SNRNP200: variants seen among roughly 807,000 people sequenced by gnomAD.
SNRNP200 encodes the protein small nuclear ribonucleoprotein U5 subunit 200, also known as U5 small nuclear ribonucleoprotein 200 kDa helicase.
In SNRNP200, 66 loss-of-function variants were observed where a neutral mutation model predicts 255.2. That is an observed-to-expected ratio of 0.26 (90% CI 0.21 to 0.32). The LOEUF (loss-of-function observed/expected upper bound fraction) is 0.32. Among genes scored for constraint, SNRNP200 ranks in the 10% least tolerant of loss-of-function variants. The probability of loss-of-function intolerance (pLI) is 1.00; values close to 1 mark genes in which losing one functional copy is unlikely to be tolerated. For missense variants in SNRNP200, 1,585 were observed against 2,749.8 expected, an observed-to-expected ratio of 0.58 and a Z score of 9.47; for synonymous variants, 939 against 1,027.8, an observed-to-expected ratio of 0.91 and a Z score of 1.65.
At chr2:96,292,559 A>G (rs181555642) in intron 16 of SNRNP200, among the ~76,000 whole-genome samples, 1 of 152,280 alleles carries the variant, frequency 6.6e-6, no homozygotes, top group East Asian at 1.9e-4. Flanking sequence ...AGTGTAAGTG[A>G]CCCCAAATCT....
chr2:96,289,886 C>T lies in SNRNP200; in HGVS notation c.2853G>A (p.Gln951=), dbSNP rs757777166. Residue 951 remains glutamine, a synonymous_variant, in exon 21 of 45, where the codon CAG becomes CAA. Coordinates refer to ENST00000323853, the MANE Select transcript of SNRNP200 (RefSeq NM_014014.5). ...CTGTATGAACCAGATCTAGTCGGCG[C>T]TGGTCCAGCAGGGGATCTCCCTTGA... The part of the protein sequence containing the change: ...DDLKGDPLLD[Q]RRLDLVHTAA... The T allele has an allele frequency of 6.2e-6, 10 of 1,614,054 alleles. No homozygotes were observed. Among genetic ancestry groups the T allele is most frequent in the Non-Finnish European group, 8.5e-6 (10 of 1,180,034 alleles).
rs150108713 is a variant in SNRNP200 at position 96,281,384 on chromosome 2, G to A, written c.5024+430C>T. 29 of 244,764 alleles carry A rather than the reference G, an allele frequency of 1.2e-4. No individual in the cohort carries two copies. In the East Asian group the frequency reaches 2.9e-3, roughly 24 times the overall value. 15.2% of individuals were successfully genotyped at this position (244,764 alleles called of 1,614,324 possible). ...GGGTTTCACTATGTTAGCCACACTG[G>A]TCTTGAACTCCTGACCTCAAGTGAT... On this transcript the variant is annotated intron_variant, in intron 35 of 44. Coordinates refer to ENST00000323853, the MANE Select transcript of SNRNP200 (RefSeq NM_014014.5).
At position 96,291,296 on chromosome 2, in the gene SNRNP200, A is replaced by C. The variant is rs2063882824; in HGVS notation, c.2421+96T>G. The C allele has an allele frequency of 3.7e-6, 3 of 814,556 alleles. No individual in the cohort carries two copies. In the South Asian group the frequency reaches 4.0e-5, roughly 11 times the overall value. 50.5% of individuals were successfully genotyped at this position (814,556 alleles called of 1,614,324 possible). A position where few individuals can be genotyped will look rare whatever the true frequency, so the allele number is the denominator to read the frequency against. The stretch of plus-strand genomic sequence containing the variant: ...GACCTGGGCTAGCTGGGCCAGAAGC[A>C]ATAAAGTACCAGGAGCAAACATGGC... On this transcript the variant is annotated intron_variant, in intron 18 of 44. Coordinates refer to ENST00000323853, the MANE Select transcript of SNRNP200 (RefSeq NM_014014.5). The surrounding 1 kb of genome is among the most constrained non-coding windows in gnomAD (Gnocchi z 4.2).
At chr2:96,276,805 A>T (rs1332643496) in intron 43 of SNRNP200, 99 bp downstream of exon 43, 1 of 1,086,274 alleles carries the variant, frequency 9.2e-7, no homozygotes, top group African/African-American at 1.5e-5. Flanking sequence ...TTATCAGTCT[A>T]AAGTTTCCCT....
intron 1 of SNRNP200, among the ~76,000 whole-genome samples, chr2:96,305,088 G>T (rs2063978879): frequency 6.6e-6 from 1 of 152,182 alleles, no homozygotes; most frequent in South Asian, 2.1e-4. Context: ...AACAATTCTT[G>T]TTCCTAACAG....
At chr2:96,284,668 A>C (rs994536288) in intron 30 of SNRNP200, 83 bp from the exon 31 acceptor site, 1 of 943,910 alleles carries the variant, frequency 1.1e-6, no homozygotes, top group Non-Finnish European at 1.7e-6. Flanking sequence ...TGAGATGCCA[A>C]ACAGACCTGT....
At position 96,284,617 on chromosome 2, in the gene SNRNP200, C is replaced by T. The variant is rs10168350; in HGVS notation, c.4165-32G>A. 9.8e-3 allele frequency: 14,120 copies of T among 1,445,598 alleles called. 1,073 individuals carry two copies. In the African/African-American group the frequency reaches 0.17, roughly 17 times the overall value. 89.5% of individuals were successfully genotyped at this position (1,445,598 alleles called of 1,614,324 possible). A position where few individuals can be genotyped will look rare whatever the true frequency, so the allele number is the denominator to read the frequency against. ...GGCAGAGGAGGGAGGCAGAACAACA[C>T]TAGGCCATACCAGGCATCTTTCACT... On this transcript the variant is annotated intron_variant, in intron 30 of 44. Coordinates refer to ENST00000323853, the MANE Select transcript of SNRNP200 (RefSeq NM_014014.5).
At position 96,287,508 on chromosome 2, in the gene SNRNP200, C is replaced by T; in HGVS notation, c.3415G>A (p.Val1139Ile). Residue 1139 changes from valine (V) to isoleucine (I), a missense_variant, in exon 26 of 45, where the codon GTA becomes ATA. Transcript: ENST00000323853. The surrounding 1 kb of genome is among the most constrained non-coding windows in gnomAD (Gnocchi z 5.7). The stretch of plus-strand genomic sequence containing the variant: ...TTCTTCTTCTCAATCTTCTTCACTA[C>T]TTCCTCAGGGAGTTTCCGGAACTGG... ...LRQFRKLPEE[V>I]VKKIEKKNFP... The T allele has an allele frequency of 6.2e-7, 1 of 1,614,222 alleles. No individual in the cohort carries two copies. Among genetic ancestry groups the T allele is most frequent in the African/African-American group, 1.3e-5 (1 of 75,064 alleles).
chr2:96,303,762 C>A (rs1422645899), intron 2 of SNRNP200, among the ~76,000 whole-genome samples: 1 of 151,882 alleles, frequency 6.6e-6, no homozygotes. Context: ...CAGTGGCGAG[C>A]GCCTGTAATC....
At position 96,293,518 on chromosome 2, in the gene SNRNP200, T is replaced by C; in HGVS notation, c.1843-9A>G. 1.2e-6 allele frequency: 2 copies of C among 1,611,634 alleles called. No individual in the cohort carries two copies. Among genetic ancestry groups the C allele is most frequent in the Non-Finnish European group, 1.7e-6 (2 of 1,179,548 alleles). ...AGAAGATGAATCTCATCCTACGGAA[T>C]TGGAGGACAGAAATTACCTCTAGCA... On this transcript the variant is annotated splice_polypyrimidine_tract_variant and intron_variant, in intron 14 of 44. Transcript: ENST00000323853.
At chr2:96,279,670 C>T (rs1684726829) in intron 35 of SNRNP200, 111 bp from the exon 36 acceptor site, 6 of 709,174 alleles carry the variant, frequency 8.5e-6, no homozygotes, top group Admixed American at 2.0e-5. Flanking sequence ...CGGGGAGACA[C>T]GGACAAATCA....
In SNRNP200 at chr2:96,285,220, C is replaced by T. The variant is rs773059160; in HGVS notation, c.4124G>A (p.Arg1375His). The T allele has an allele frequency of 6.2e-7, 1 of 1,614,140 alleles. No homozygotes were observed. The highest frequency in any genetic ancestry group is 8.5e-7 in the Non-Finnish European group (1 of 1,180,046). Reference sequence around the variant, plus strand: ...CTCCATGGGGGTGATGTACACACAGCGCCCCTCCGAGCTCTGCAGCAGCAT... The same window carrying T: ...CTCCATGGGGGTGATGTACACACAGTGCCCCTCCGAGCTCTGCAGCAGCAT... ...LRMLLQSSEGRCVYITPMEAL... is the reference protein window; with the variant it reads ...LRMLLQSSEGHCVYITPMEAL... The change falls in exon 30 of 45, where the codon CGC becomes CAC. Residue 1375 changes from arginine (R) to histidine (H), a missense_variant. By Grantham distance (29) the Arg-to-His change is conservative (BLOSUM62 0). Around this residue, in one of 9 missense-constraint regions of SNRNP200, gnomAD observed 719 missense variants for 1,091.1 expected, o/e 0.66. Transcript: ENST00000323853.
chr2:96,297,400 A>T lies in SNRNP200; in HGVS notation c.1340T>A (p.Val447Glu), dbSNP rs565552426. The T allele has an allele frequency of 6.2e-7, 1 of 1,614,116 alleles. No homozygotes were observed. Among genetic ancestry groups the T allele is most frequent in the African/African-American group, 1.3e-5 (1 of 75,060 alleles). Residue 447 changes from valine to glutamate, a missense_variant, in exon 11 of 45, where the codon GTG becomes GAG. This residue lies in a region of SNRNP200 where 383 missense variants were observed against 645.3 expected (regional missense o/e 0.59). Coordinates refer to ENST00000323853, the MANE Select transcript of SNRNP200 (RefSeq NM_014014.5). Reference protein sequence around the residue: ...RQRKGYEEVHVPALKPKPFGS... With the variant: ...RQRKGYEEVHEPALKPKPFGS... The stretch of plus-strand genomic sequence containing the variant: ...AAAGGGCTTGGGCTTCAGAGCAGGC[A>T]CATGCACCTCTTCATAGCCCTTACG...
In SNRNP200 at chr2:96,286,847, G is replaced by A. The variant is rs2063846897; in HGVS notation, c.3670C>T (p.Leu1224=). 4 of 1,614,194 alleles carry A rather than the reference G, an allele frequency of 2.5e-6. No individual in the cohort carries two copies. Among genetic ancestry groups the A allele is most frequent in the Non-Finnish European group, 3.4e-6 (4 of 1,180,038 alleles). ...VHGSSEAFWI[L]VEDVDSEVIL... ...ACCTCGCTGTCCACATCCTCCACCA[G>A]AATCCAAAAAGCCTCGGATGAACCA... The change falls in exon 28 of 45, where the codon CTG becomes TTG. Residue 1224 remains leucine (L), a synonymous_variant. Transcript: ENST00000323853. This position sits in a 1 kb window ranked among gnomAD's most constrained non-coding sequence, Gnocchi z 4.8.
At chr2:96,279,050 C>A in intron 36 of SNRNP200, 52 bp from the exon 37 acceptor site, 2 of 1,459,510 alleles carry the variant, frequency 1.4e-6, no homozygotes, top group South Asian at 2.3e-5. Context: ...ACAACACGGT[C>A]ACAGAGGGCC....
chr2:96,285,917 C>T (rs989407044), intron 29 of SNRNP200, among the ~76,000 whole-genome samples: 4 of 152,152 alleles, frequency 2.6e-5, no homozygotes, highest in Admixed American at 6.5e-5. Flanking sequence ...GAGAAAACAC[C>T]GGTGATGTAC....
rs926974744 is a variant in SNRNP200 at position 96,278,151 on chromosome 2, G to A, written c.5610+86C>T. 4 of 1,602,760 alleles carry A rather than the reference G, an allele frequency of 2.5e-6. No individual in the cohort carries two copies. Among genetic ancestry groups the A allele is most frequent in the South Asian group, 2.2e-5 (2 of 90,388 alleles). ...GGGGTCGGGGGATGCGTATGGGCGTGTTGGTGGCAGGGATGCCATGTGCTC... is the reference window on the plus strand; with the variant it reads ...GGGGTCGGGGGATGCGTATGGGCGTATTGGTGGCAGGGATGCCATGTGCTC... On this transcript the variant is annotated intron_variant, in intron 39 of 44. Transcript: ENST00000323853. This position sits in a 1 kb window ranked among gnomAD's most constrained non-coding sequence, Gnocchi z 6.9.
Position 96,297,708 on chromosome 2 carries a change from G to A in SNRNP200, c.1132C>T (p.Arg378Trp), listed in dbSNP as rs549020522. 12 of 1,614,170 alleles carry A rather than the reference G, an allele frequency of 7.4e-6. No individual in the cohort carries two copies. The highest frequency in any genetic ancestry group is 1.7e-5 in the Admixed American group (1 of 60,026). ...CGAGACTGACGCACTCGCTCTCTCCGGGACCTTTCCTCCTGTAGTGGACAA... is the reference window on the plus strand; with the variant it reads ...CGAGACTGACGCACTCGCTCTCTCCAGGACCTTTCCTCCTGTAGTGGACAA... ...KEDLIREERS[R>W]RERVRQSRMD... Residue 378 changes from arginine to tryptophan, a missense_variant, in exon 10 of 45, where the codon CGG (arginine) becomes TGG (tryptophan). By Grantham distance (101) the Arg-to-Trp change is moderately radical. This residue lies in a region of SNRNP200 where 383 missense variants were observed against 645.3 expected (regional missense o/e 0.59). Coordinates refer to ENST00000323853, the MANE Select transcript of SNRNP200 (RefSeq NM_014014.5).
At chr2:96,298,162 C>G in intron 9 of SNRNP200, 122 bp downstream of exon 9, 1 of 1,451,552 alleles carries the variant, frequency 6.9e-7, no homozygotes, top group Non-Finnish European at 9.6e-7. Context: ...ACTGATAAAC[C>G]CCAAAGAATT....
Sources: gnomAD v4.1 joint callset for allele counts (sites outside exome capture counted in the v4.1 genomes callset) on GRCh38, gnomAD v4.1.1 for gene constraint, gnomAD v4.1.1 regional missense constraint, Gnocchi (gnomAD v3.1) non-coding constraint, MANE v1.5 for transcripts, NCBI Gene and HGNC (gene_info 2026-07-23, HGNC 2026-07-21) for gene names.